KIF5A: variants seen among roughly 807,000 people sequenced by gnomAD.
KIF5A encodes the protein kinesin heavy chain isoform 5A.
In KIF5A, 35 loss-of-function variants were observed where a neutral mutation model predicts 141.3. The ratio of observed to expected loss-of-function variants is 0.25; its 90% CI spans 0.19 to 0.33. The LOEUF is 0.33. Among genes scored for constraint, KIF5A ranks in the 10% least tolerant of loss-of-function variants. The pLI is 1.00. For missense variants in KIF5A, 861 were observed against 1,314.3 expected (o/e 0.66, Z 5.33); for synonymous variants, 448 against 500.2 (o/e 0.90, Z 1.39).
chr12:57,579,583 GGCT>G (rs1188494658), intron 23 of KIF5A, among the ~76,000 whole-genome samples: 1 of 151,768 alleles, frequency 6.6e-6, no homozygotes, highest in Non-Finnish European at 1.5e-5. Flanking sequence ...GCCTGCAGAG[GGCT>G]TTGCTACGAT....
chr12:57,578,447 C>T, intron 23 of KIF5A, 105 bp downstream of exon 23: 2 of 776,356 alleles, frequency 2.6e-6, no homozygotes, highest in Non-Finnish European at 4.6e-6. Flanking sequence ...TGCATGTTTT[C>T]CTTACTGTTC....
intron 12 of KIF5A, among the ~76,000 whole-genome samples, chr12:57,570,565 A>G (rs140734681): frequency 0.011 from 1,667 of 152,122 alleles, 22 homozygotes; most frequent in Non-Finnish European, 0.015. Context: ...CGCCTGGCTA[A>G]TTTTTGTATT....
chr12:57,581,735 A>T, intron 25 of KIF5A, 135 bp from the exon 26 acceptor site: 1 of 1,208,076 alleles, frequency 8.3e-7, no homozygotes, highest in Non-Finnish European at 1.2e-6. Flanking sequence ...GCCTGTGGCC[A>T]TGTTTGTTTT....
Position 57,572,888 on chromosome 12 carries a change from A to T in KIF5A, c.1716+162A>T, listed in dbSNP as rs533722287. Among the ~76,000 whole-genome samples, 2 of 152,248 alleles carry T rather than the reference A, an allele frequency of 1.3e-5. No individual in the cohort carries two copies. The highest frequency in any genetic ancestry group is 6.5e-5 in the Admixed American group (1 of 15,292). On this transcript the variant is annotated intron_variant, in intron 15 of 28. Transcript: ENST00000455537. This position sits in a 1 kb window ranked among gnomAD's most constrained non-coding sequence, Gnocchi z 4.2. ...GACAGGTAGAGGCTTGTATAGACCC[A>T]ATTGAAAAGATACATTCTAGGTTGG...
At chr12:57,573,178 G>A (rs1882308939) in intron 15 of KIF5A, among the ~76,000 whole-genome samples, 14 of 152,162 alleles carry the variant, frequency 9.2e-5, no homozygotes, top group Admixed American at 9.2e-4. Flanking sequence ...GTTATAGAGT[G>A]AGACTCTGCC....
At position 57,586,506 on chromosome 12, in the gene KIF5A, G is replaced by C. The variant is rs1016147964; in HGVS notation, c.*2325G>C. 6.6e-6 allele frequency: 1 copy of C among 152,288 alleles called. No individual in the cohort carries two copies. Among genetic ancestry groups the C allele is most frequent in the Non-Finnish European group, 1.5e-5 (1 of 68,046 alleles). The allele number at this position is 152,288 out of a possible 1,614,324, so 9.4% of individuals were successfully genotyped here. A position where few individuals can be genotyped will look rare whatever the true frequency, so the allele number is the denominator to read the frequency against. The stretch of plus-strand genomic sequence containing the variant: ...GGTCACTGCAAGGGGCACCTGGCCT[G>C]CCCACTCACATCTGCCAAAATGTTG... On this transcript the variant is annotated 3_prime_UTR_variant, in exon 29 of 29. Coordinates refer to ENST00000455537, the MANE Select transcript of KIF5A (RefSeq NM_004984.4).
chr12:57,562,867 G>A (rs1392717755), intron 1 of KIF5A, among the ~76,000 whole-genome samples: 2 of 151,924 alleles, frequency 1.3e-5, no homozygotes, highest in South Asian at 2.1e-4. Context: ...AGGAGTTTGG[G>A]GTAGTGGAGT....
At chr12:57,582,029 G>A (rs1474941646) in intron 26 of KIF5A, 77 bp downstream of exon 26, 1 of 1,219,328 alleles carries the variant, frequency 8.2e-7, no homozygotes, top group East Asian at 2.3e-5. Flanking sequence ...AGTGACCTTA[G>A]TGTACAAAAA....
Position 57,564,187 on chromosome 12 carries a change from A to G in KIF5A, c.371A>G (p.Asp124Gly). 6.2e-7 allele frequency: 1 copy of G among 1,612,832 alleles called. No individual in the cohort carries two copies. Among genetic ancestry groups the G allele is most frequent in the Non-Finnish European group, 8.5e-7 (1 of 1,178,862 alleles). ...ATCTTCAACCACATCTACTCCATGG[A>G]TGAGAACCTTGAGTTCCACATCAAG... ...RDIFNHIYSM[D>G]ENLEFHIKVS... Residue 124 changes from aspartate (D) to glycine (G), a missense_variant, in exon 4 of 29, where the codon GAT becomes GGT. Physicochemically the swap from Asp to Gly is moderately conservative, Grantham distance 94. This residue lies in a region of KIF5A where 146 missense variants were observed against 353.4 expected (regional missense o/e 0.41). Coordinates refer to ENST00000455537, the MANE Select transcript of KIF5A (RefSeq NM_004984.4).
chr12:57,551,085 C>G lies in KIF5A; in HGVS notation c.129+685C>G, dbSNP rs143612998. On this transcript the variant is annotated intron_variant, in intron 1 of 28. Transcript: ENST00000455537. ...GGTTTCAGATTCCCCAACTGACCCC[C>G]CTAAAGAAAAATGCCCAAACCCTGA... Among the ~76,000 whole-genome samples the G allele has an allele frequency of 6.8e-3, 1,041 of 151,974 alleles. 13 individuals carry two copies. The highest frequency in any genetic ancestry group is 0.024 in the African/African-American group (980 of 41,444).
chr12:57,565,167 C>T (rs1363163542), intron 6 of KIF5A, among the ~76,000 whole-genome samples, 194 bp downstream of exon 6: 1 of 152,116 alleles, frequency 6.6e-6, no homozygotes, highest in African/African-American at 2.4e-5. Flanking sequence ...TACCTGTAAT[C>T]CCAGCACTTT....
At chr12:57,569,793 G>C in intron 11 of KIF5A, 110 bp downstream of exon 11, 1 of 1,521,564 alleles carries the variant, frequency 6.6e-7, no homozygotes, top group Non-Finnish European at 8.9e-7. Context: ...CTAGAAGAGG[G>C]GCTGTGTTTC....
At position 57,563,539 on chromosome 12, in the gene KIF5A, T is replaced by C. The variant is rs1277389994; in HGVS notation, c.217+13T>C. On this transcript the variant is annotated intron_variant, in intron 2 of 28. Coordinates refer to ENST00000455537, the MANE Select transcript of KIF5A (RefSeq NM_004984.4). ...CAGATTGTCAAAGGTAATAGATTTC[T>C]TTTTAGAATGTCTCTTCTCAGCACC... 1 of 1,611,266 alleles carries C rather than the reference T, an allele frequency of 6.2e-7. No homozygotes were observed. Among genetic ancestry groups the C allele is most frequent in the South Asian group, 1.1e-5 (1 of 91,030 alleles).
chr12:57,570,302 A>G (rs1882212152), intron 12 of KIF5A, 140 bp downstream of exon 12: 1 of 769,230 alleles, frequency 1.3e-6, no homozygotes, highest in South Asian at 1.8e-5. Context: ...ATCAATATAA[A>G]TGTATGTAAG....
At chr12:57,561,717 T>G (rs1257408931) in intron 1 of KIF5A, among the ~76,000 whole-genome samples, 5 of 152,228 alleles carry the variant, frequency 3.3e-5, no homozygotes, top group Admixed American at 6.5e-5. Flanking sequence ...AGTTTAAAAA[T>G]GTAAACCATG....
At chr12:57,577,049 A>G (rs576239857) in intron 20 of KIF5A, among the ~76,000 whole-genome samples, 187 bp downstream of exon 20, 11 of 152,328 alleles carry the variant, frequency 7.2e-5, no homozygotes, top group Admixed American at 3.9e-4. Context: ...ATTCACCAGT[A>G]TGGAAGGAGG....
intron 1 of KIF5A, among the ~76,000 whole-genome samples, chr12:57,559,503 C>A (rs1374538550): frequency 1.3e-5 from 2 of 152,076 alleles, no homozygotes; most frequent in Non-Finnish European, 2.9e-5. Flanking sequence ...CATTTAGGAG[C>A]CACTATAACA....
rs371081053 is a variant in KIF5A at position 57,564,263 on chromosome 12, A to G, written c.396+51A>G. On this transcript the variant is annotated intron_variant, in intron 4 of 28. Transcript: ENST00000455537. ...TTCAGATGGGGACTGGGAGGGGAAG[A>G]TCTAAAATCTTCCCACTGAAGAGCC... is the stretch of plus-strand genomic sequence containing the variant. 10 of 1,340,318 alleles carry G rather than the reference A, an allele frequency of 7.5e-6. No homozygotes were observed. In the African/African-American group the frequency reaches 1.3e-4, roughly 17 times the overall value. 83.0% of individuals were successfully genotyped at this position (1,340,318 alleles called of 1,614,324 possible). A position where few individuals can be genotyped will look rare whatever the true frequency, so the allele number is the denominator to read the frequency against.
At chr12:57,569,931 C>T (rs1882193171) in intron 11 of KIF5A, 56 bp from the exon 12 acceptor site, 4 of 1,581,346 alleles carry the variant, frequency 2.5e-6, no homozygotes, top group East Asian at 2.2e-5. Context: ...GAAGGAAGAA[C>T]TCGTGGATGC....
Sources: allele counts gnomAD v4.1 joint callset (sites outside exome capture counted in the v4.1 genomes callset), GRCh38; gene constraint gnomAD v4.1.1; regional missense constraint gnomAD v4.1.1; non-coding constraint Gnocchi (gnomAD v3.1); transcripts MANE v1.5; gene names NCBI Gene and HGNC (gene_info 2026-07-23, HGNC 2026-07-21).